C19orf81: variants seen among roughly 807,000 people sequenced by gnomAD.
The protein encoded by C19orf81 is putative uncharacterized protein C19orf81.
C19orf81 carries 19 observed loss-of-function variants against 22.1 expected under a neutral mutation model. The ratio of observed to expected loss-of-function variants is 0.86; its 90% CI spans 0.60 to 1.26. The LOEUF (loss-of-function observed/expected upper bound fraction) is 1.26, where lower values mean the gene tolerates loss of function less well. Ranked by LOEUF, C19orf81 falls within the 50% of genes most tolerant of loss-of-function variation. The pLI is 0.00. For synonymous variants in C19orf81, 108 were observed against 113.1 expected (o/e 0.95, Z 0.29); for missense variants, 287 against 280.7 (o/e 1.02, Z -0.16).
chr19:50,651,225 TG>T (rs1984872564), intron 1 of C19orf81, among the ~76,000 whole-genome samples: 1 of 152,324 alleles, frequency 6.6e-6, no homozygotes, highest in Non-Finnish European at 1.5e-5. Flanking sequence ...TCTTTAGTCT[TG>T]GGGCTCAAGG....
At position 50,651,971 on chromosome 19, in the gene C19orf81, A is replaced by G. The variant is rs144056628; in HGVS notation, c.67+2460A>G. Reference sequence around the variant, plus strand: ...TTTTGATTCATTTAACGCTTGTACAAGGCTATTTTTTAAAATTAATTTATT... The same window carrying G: ...TTTTGATTCATTTAACGCTTGTACAGGGCTATTTTTTAAAATTAATTTATT... On this transcript the variant is annotated intron_variant, in intron 1 of 4. Coordinates refer to ENST00000425202, the MANE Select transcript of C19orf81 (RefSeq NM_001195076.2). Among the ~76,000 whole-genome samples the G allele has an allele frequency of 5.7e-3, 874 of 152,220 alleles. 3 individuals are homozygous for G. Among genetic ancestry groups the G allele is most frequent in the Middle Eastern group, 0.044 (13 of 294 alleles).
In C19orf81 at chr19:50,656,140, C is replaced by G; in HGVS notation, c.140+18C>G. On this transcript the variant is annotated intron_variant, in intron 2 of 4. Coordinates refer to ENST00000425202, the MANE Select transcript of C19orf81 (RefSeq NM_001195076.2). Reference sequence around the variant, plus strand: ...AAATCCTCGTGAGTTGTCCCTGGCCCCCATGACCTCTATCTTCCGCCTCCC... The same window carrying G: ...AAATCCTCGTGAGTTGTCCCTGGCCGCCATGACCTCTATCTTCCGCCTCCC... 6.5e-7 allele frequency: 1 copy of G among 1,536,136 alleles called. No individual in the cohort carries two copies. Among genetic ancestry groups the G allele is most frequent in the Non-Finnish European group, 8.7e-7 (1 of 1,146,904 alleles).
intron 3 of C19orf81, 144 bp from the exon 4 acceptor site, chr19:50,657,845 C>A: frequency 9.3e-7 from 1 of 1,073,456 alleles, no homozygotes; most frequent in East Asian, 2.8e-5. Context: ...GCGACAGTAC[C>A]CTGGGATTAA....
chr19:50,655,628 G>A (rs1212106495), intron 1 of C19orf81, among the ~76,000 whole-genome samples: 4 of 150,406 alleles, frequency 2.7e-5, no homozygotes, highest in Admixed American at 2.0e-4. Flanking sequence ...CAGCCTGGGC[G>A]ACAGAACAAG....
chr19:50,656,680 G>A (rs181165877), intron 3 of C19orf81, among the ~76,000 whole-genome samples: 121 of 152,226 alleles, frequency 7.9e-4, no homozygotes, highest in African/African-American at 2.4e-3. Flanking sequence ...TGTCGGGTGC[G>A]GTGGCTCACG....
chr19:50,658,244 A>G, intron 4 of C19orf81, 116 bp downstream of exon 4: 1 of 1,110,258 alleles, frequency 9.0e-7, no homozygotes, highest in Non-Finnish European at 1.2e-6. Flanking sequence ...GAGTGAAAGC[A>G]TGAATGGGCG....
At chr19:50,650,995 C>A (rs1328601946) in intron 1 of C19orf81, among the ~76,000 whole-genome samples, 1 of 152,162 alleles carries the variant, frequency 6.6e-6, no homozygotes, top group Non-Finnish European at 1.5e-5. Flanking sequence ...TTGTTCATTT[C>A]GATTTTGCTG....
intron 1 of C19orf81, among the ~76,000 whole-genome samples, chr19:50,651,570 T>G (rs1281070242): frequency 6.6e-6 from 1 of 152,140 alleles, no homozygotes; most frequent in African/African-American, 2.4e-5. Context: ...CTGAGATGCC[T>G]GTTAAAAAAA....
intron 1 of C19orf81, among the ~76,000 whole-genome samples, chr19:50,653,736 AC>A (rs1419276486): frequency 8.9e-6 from 1 of 112,422 alleles, no homozygotes; most frequent in Non-Finnish European, 1.9e-5. Flanking sequence ...ACACACACAC[AC>A]ACACGTTGTC....
intron 1 of C19orf81, among the ~76,000 whole-genome samples, chr19:50,655,307 T>C (rs1322324172): frequency 4.6e-5 from 7 of 152,262 alleles, no homozygotes; most frequent in Middle Eastern, 3.4e-3. Context: ...ATTTGAGAAC[T>C]GTTATCTGTG....
rs1985044936 is a variant in C19orf81 at position 50,658,240 on chromosome 19, A to G, written c.401+112A>G. The G allele has an allele frequency of 5.3e-6, 6 of 1,122,906 alleles. No homozygotes were observed. In the East Asian group the frequency reaches 1.6e-4, roughly 30 times the overall value. The allele number at this position is 1,122,906 out of a possible 1,614,324, so 69.6% of individuals were successfully genotyped here. A position where few individuals can be genotyped will look rare whatever the true frequency, so the allele number is the denominator to read the frequency against. ...CGCTGAGGGACGTGGCCAAGAGTGAAAGCATGAATGGGCGGGGCCCGGGGC... is the reference window on the plus strand; with the variant it reads ...CGCTGAGGGACGTGGCCAAGAGTGAGAGCATGAATGGGCGGGGCCCGGGGC... On this transcript the variant is annotated intron_variant, in intron 4 of 4. Transcript: ENST00000425202.
chr19:50,649,816 C>T (rs770737244), intron 1 of C19orf81: 1 of 520,438 alleles, frequency 1.9e-6, no homozygotes, highest in South Asian at 1.5e-5. Context: ...ACTGTCTTGT[C>T]TCCCACCCTG....
At chr19:50,657,492 G>A (rs540373686) in intron 3 of C19orf81, among the ~76,000 whole-genome samples, 2 of 152,286 alleles carry the variant, frequency 1.3e-5, no homozygotes, top group East Asian at 1.9e-4. Context: ...ATCAGTCCAC[G>A]TTTCTGAATG....
In C19orf81 at chr19:50,659,170, C is replaced by A; in HGVS notation, c.*28C>A. 1 of 1,284,238 alleles carries A rather than the reference C, an allele frequency of 7.8e-7. No homozygotes were observed. Among genetic ancestry groups the A allele is most frequent in the Admixed American group, 4.2e-5 (1 of 23,702 alleles). 79.6% of individuals were successfully genotyped at this position (1,284,238 alleles called of 1,614,324 possible). A position where few individuals can be genotyped will look rare whatever the true frequency, so the allele number is the denominator to read the frequency against. ...CCCGGGCGGGCCCCGGCAGCGCTTG[C>A]GCACCGCCCCGCGGGCTGGGGCCAC... On this transcript the variant is annotated 3_prime_UTR_variant, in exon 5 of 5. Transcript: ENST00000425202.
rs747187176 is a variant in C19orf81, at chr19:50,654,114, A to G, written c.68-1936A>G. 3.3e-5 allele frequency among the ~76,000 whole-genome samples: 5 copies of G among 151,784 alleles called. No individual in the cohort carries two copies. In the South Asian group the frequency reaches 8.3e-4, roughly 25 times the overall value. ...ATGTTGGTGTTACGGGAAATGTTTTATGTTCGGCAGGAGAGCACCAGGGCC... is the reference window on the plus strand; with the variant it reads ...ATGTTGGTGTTACGGGAAATGTTTTGTGTTCGGCAGGAGAGCACCAGGGCC... On this transcript the variant is annotated intron_variant, in intron 1 of 4. Coordinates refer to ENST00000425202, the MANE Select transcript of C19orf81 (RefSeq NM_001195076.2).
At chr19:50,653,949 C>T (rs963394601) in intron 1 of C19orf81, among the ~76,000 whole-genome samples, 7 of 151,696 alleles carry the variant, frequency 4.6e-5, no homozygotes, top group African/African-American at 1.7e-4. Context: ...AAAAAGCAGC[C>T]GTCGGCTCTG....
At chr19:50,658,828 A>T in intron 4 of C19orf81, 119 bp from the exon 5 acceptor site, 1 of 886,274 alleles carries the variant, frequency 1.1e-6, no homozygotes, top group Non-Finnish European at 1.6e-6. Context: ...GGACGGAGCG[A>T]TGGTCCGCTG....
At position 50,650,408 on chromosome 19, in the gene C19orf81, C is replaced by G. The variant is rs534295039; in HGVS notation, c.67+897C>G. Among the ~76,000 whole-genome samples the G allele has an allele frequency of 2.0e-5, 3 of 152,228 alleles. No homozygotes were observed. The South Asian group carries it at 6.2e-4, about 32-fold the overall frequency. ...ACTCAGGACTGGGTGTGGTGGCTCA[C>G]GCCTATAATCCCAGCACTTTGGAGG... On this transcript the variant is annotated intron_variant, in intron 1 of 4. Coordinates refer to ENST00000425202, the MANE Select transcript of C19orf81 (RefSeq NM_001195076.2).
At chr19:50,658,659 G>A (rs1985060177) in intron 4 of C19orf81, 2 of 358,464 alleles carry the variant, frequency 5.6e-6, no homozygotes, top group Non-Finnish European at 1.0e-5. Context: ...GGAGTGCCTA[G>A]GGTAGAGCGC....
Sources: gnomAD v4.1 joint callset for allele counts (sites outside exome capture counted in the v4.1 genomes callset) on GRCh38, gnomAD v4.1.1 for gene constraint, MANE v1.5 for transcripts, NCBI Gene and HGNC (gene_info 2026-07-23, HGNC 2026-07-21) for gene names.